Variants in MAGI1 observed in about 807,000 individuals in gnomAD.
MAGI1 encodes the protein membrane associated guanylate kinase, WW and PDZ domain containing 1.
MAGI1 carries 58 observed loss-of-function variants against 139.9 expected under a neutral mutation model. The ratio of observed to expected loss-of-function variants is 0.41; its 90% CI spans 0.34 to 0.52. MAGI1 has a LOEUF of 0.52. MAGI1 is among the 20% of genes least tolerant of loss of function. The pLI, the probability that MAGI1 is intolerant of heterozygous loss-of-function variation, is 0.12. For missense variants in MAGI1, 1,874 were observed against 1,901.6 expected (o/e 0.99, Z 0.27); for synonymous variants, 812 against 737.9 (o/e 1.10, Z -1.63).
intron 1 of MAGI1, among the ~76,000 whole-genome samples, chr3:65,716,502 T>C (rs561847825): frequency 6.6e-6 from 1 of 152,206 alleles, no homozygotes; most frequent in Non-Finnish European, 1.5e-5. Context: ...AGGCAGACTA[T>C]CTTATTTCAC....
chr3:65,954,807 G>T (rs970755157), intron 1 of MAGI1, among the ~76,000 whole-genome samples: 1 of 152,088 alleles, frequency 6.6e-6, no homozygotes, highest in Non-Finnish European at 1.5e-5. Context: ...GGGCTGCTGG[G>T]ATATATACCA....
At position 65,975,894 on chromosome 3, in the gene MAGI1, T is replaced by C. The variant is rs367972729; in HGVS notation, c.313+62102A>G. Among the ~76,000 whole-genome samples the C allele has an allele frequency of 4.5e-4, 69 of 152,304 alleles. 1 individual carries two copies. In the South Asian group the frequency reaches 0.014, roughly 31 times the overall value. ...TGAGGGATGGTGGCAGTGGCTGGCA[T>C]GTACTAATACAAAATACTTCAAATT... On this transcript the variant is annotated intron_variant, in intron 1 of 22. Coordinates refer to ENST00000402939, the MANE Select transcript of MAGI1 (RefSeq NM_001033057.2).
chr3:65,388,664 G>T (rs1463416586), intron 14 of MAGI1, among the ~76,000 whole-genome samples: 2 of 151,990 alleles, frequency 1.3e-5, no homozygotes, highest in African/African-American at 4.8e-5. Context: ...TCCTCATTTA[G>T]TAGTGAGGAA....
At chr3:65,649,867 A>G (rs1438702556) in intron 1 of MAGI1, among the ~76,000 whole-genome samples, 1 of 152,196 alleles carries the variant, frequency 6.6e-6, no homozygotes, top group East Asian at 1.9e-4. Flanking sequence ...GCTGGCTAGG[A>G]TACAGAAAGC....
intron 13 of MAGI1, among the ~76,000 whole-genome samples, chr3:65,395,698 A>G (rs1305902478): frequency 6.7e-6 from 1 of 149,410 alleles, no homozygotes; most frequent in Non-Finnish European, 1.5e-5. Flanking sequence ...CAAAAAAGCT[A>G]ATGTGACACA....
intron 1 of MAGI1, among the ~76,000 whole-genome samples, chr3:65,858,110 A>AAAAC (rs111781255): frequency 0.16 from 23,024 of 140,918 alleles, 1,920 homozygotes; most frequent in African/African-American, 0.22. Context: ...CATTGTCTCA[A>AAAAC]AAACAAACAA....
At chr3:65,540,957 A>G (rs2079183754) in intron 2 of MAGI1, among the ~76,000 whole-genome samples, 1 of 152,348 alleles carries the variant, frequency 6.6e-6, no homozygotes, top group East Asian at 1.9e-4. Context: ...AACTGTTACT[A>G]AATCTGGATG....
At chr3:65,788,629 G>A (rs546029625) in intron 1 of MAGI1, among the ~76,000 whole-genome samples, 4 of 152,222 alleles carry the variant, frequency 2.6e-5, no homozygotes, top group Admixed American at 1.3e-4. Flanking sequence ...TCATCTCTAC[G>A]GTAGCTCACT....
At chr3:65,376,937 A>G (rs536329148) in intron 17 of MAGI1, among the ~76,000 whole-genome samples, 4 of 152,356 alleles carry the variant, frequency 2.6e-5, no homozygotes, top group Admixed American at 2.6e-4. Flanking sequence ...GAGGCCTGAC[A>G]TAGGATTTCT....
chr3:65,964,792 G>A (rs2064654278), intron 1 of MAGI1, among the ~76,000 whole-genome samples: 1 of 152,128 alleles, frequency 6.6e-6, no homozygotes, highest in Admixed American at 6.6e-5. Context: ...TTCACTTTCA[G>A]GGGATTCCCT....
At chr3:65,827,002 T>C (rs2108278080) in intron 1 of MAGI1, among the ~76,000 whole-genome samples, 1 of 82,284 alleles carries the variant, frequency 1.2e-5, no homozygotes, top group South Asian at 7.8e-4. Context: ...TCCCCCGGTC[T>C]GCTGCTCCAA....
intron 3 of MAGI1, among the ~76,000 whole-genome samples, chr3:65,483,764 G>A (rs558512029): frequency 7.2e-5 from 11 of 152,266 alleles, no homozygotes; most frequent in African/African-American, 1.9e-4. Flanking sequence ...GGAGGAAAGC[G>A]GAGGGCAAAG....
chr3:65,766,719 G>A lies in MAGI1; in HGVS notation c.314-144631C>T, dbSNP rs185574113. Among the ~76,000 whole-genome samples the A allele has an allele frequency of 9.8e-4, 149 of 152,106 alleles. 4 individuals are homozygous for A. The East Asian group carries it at 0.016, about 16-fold the overall frequency. On this transcript the variant is annotated intron_variant, in intron 1 of 22. Transcript: ENST00000402939. ...AGCCTGGCCAATCTGGTGAAACCCT[G>A]TCTCTACTAAAAATAAAAAATTAGC... is the stretch of plus-strand genomic sequence containing the variant.
chr3:65,772,597 G>A (rs1351536106), intron 1 of MAGI1, among the ~76,000 whole-genome samples: 6 of 152,218 alleles, frequency 3.9e-5, no homozygotes, highest in African/African-American at 1.4e-4. Context: ...GCTGCCACAT[G>A]GAGAACACTT....
chr3:65,792,118 TATAGCTATTAATAAA>T (rs2039818460), intron 1 of MAGI1, among the ~76,000 whole-genome samples: 1 of 152,162 alleles, frequency 6.6e-6, no homozygotes, highest in Non-Finnish European at 1.5e-5. Flanking sequence ...CTAATCATAA[TATAGCTATTAATAAA>T]ATAGCTATTA....
chr3:65,946,076 T>C (rs1013189262), intron 1 of MAGI1, among the ~76,000 whole-genome samples: 3 of 152,236 alleles, frequency 2.0e-5, no homozygotes, highest in Non-Finnish European at 4.4e-5. Flanking sequence ...GAAAGCTCTC[T>C]GGGCCTGGCC....
chr3:65,909,119 T>A (rs2061555776), intron 1 of MAGI1, among the ~76,000 whole-genome samples: 1 of 152,142 alleles, frequency 6.6e-6, no homozygotes, highest in African/African-American at 2.4e-5. Flanking sequence ...TTGCTCACAG[T>A]GCCTCATGAA....
intron 2 of MAGI1, among the ~76,000 whole-genome samples, chr3:65,553,711 G>A (rs1432315428): frequency 6.6e-6 from 1 of 152,092 alleles, no homozygotes; most frequent in Non-Finnish European, 1.5e-5. Flanking sequence ...TTTTTCCATG[G>A]ACTTTCTATT....
intron 1 of MAGI1, among the ~76,000 whole-genome samples, chr3:65,792,358 G>A (rs57732030): frequency 3.9e-5 from 6 of 151,950 alleles, no homozygotes; most frequent in Admixed American, 1.3e-4. Context: ...CCAGCTACTC[G>A]GGAGGCTGAG....
Sources: gnomAD v4.1 joint callset for allele counts (sites outside exome capture counted in the v4.1 genomes callset) on GRCh38, gnomAD v4.1.1 for gene constraint, MANE v1.5 for transcripts, NCBI Gene and HGNC (gene_info 2026-07-23, HGNC 2026-07-21) for gene names.